The following ANTXR1 variants were observed in gnomAD, a reference collection of about 807,000 sequenced individuals.
The protein encoded by ANTXR1 is anthrax toxin receptor 1.
In ANTXR1, 19 loss-of-function variants were observed where a neutral mutation model predicts 78.1. The observed-to-expected ratio is 0.24, with a 90% CI of 0.17 to 0.36. The LOEUF is 0.36. ANTXR1 is among the 10% of genes least tolerant of loss of function. ANTXR1 has a pLI of 1.00. For synonymous variants in ANTXR1, 273 were observed against 260.5 expected (o/e 1.05, Z -0.46); for missense variants, 518 against 718.6 (o/e 0.72, Z 3.19).
intron 10 of ANTXR1, 46 bp from the exon 11 acceptor site, chr2:69,122,971 A>G: frequency 1.3e-6 from 2 of 1,590,434 alleles, no homozygotes; most frequent in Non-Finnish European, 1.7e-6. Context: ...ATTTGAAATT[A>G]TAAACTCACC....
intron 1 of ANTXR1, among the ~76,000 whole-genome samples, chr2:69,032,013 GAT>G (rs147600013): frequency 0.085 from 12,897 of 152,200 alleles, 569 homozygotes; most frequent in Admixed American, 0.13. Context: ...TGTATGTAAA[GAT>G]ATTGTTAAAA....
chr2:69,220,561 G>T (rs950362959), intron 17 of ANTXR1, among the ~76,000 whole-genome samples: 1 of 152,120 alleles, frequency 6.6e-6, no homozygotes, highest in African/African-American at 2.4e-5. Flanking sequence ...AACATAAAAG[G>T]CCTCTTTATA....
At chr2:69,054,618 T>C (rs1670018622) in intron 3 of ANTXR1, among the ~76,000 whole-genome samples, 1 of 152,192 alleles carries the variant, frequency 6.6e-6, no homozygotes, top group African/African-American at 2.4e-5. Context: ...GTCTCTCTCC[T>C]TCTCAGTCAT....
chr2:69,118,704 C>T (rs987866377), intron 10 of ANTXR1, among the ~76,000 whole-genome samples: 3 of 152,170 alleles, frequency 2.0e-5, no homozygotes, highest in Admixed American at 1.3e-4. Flanking sequence ...CACGCTGCAG[C>T]GAGGCTGGCA....
chr2:69,200,317 C>A (rs895527596), intron 17 of ANTXR1, among the ~76,000 whole-genome samples: 2 of 152,238 alleles, frequency 1.3e-5, no homozygotes, highest in African/African-American at 4.8e-5. Context: ...TGAAACTCAT[C>A]TGAAGCCTCA....
At chr2:69,150,720 ATAT>A (rs1052697884) in intron 12 of ANTXR1, among the ~76,000 whole-genome samples, 8 of 152,102 alleles carry the variant, frequency 5.3e-5, no homozygotes, top group African/African-American at 1.9e-4. Flanking sequence ...TATCATTTAA[ATAT>A]TATTTGACAA....
At chr2:69,091,348 G>T (rs139973449) in intron 9 of ANTXR1, among the ~76,000 whole-genome samples, 4,567 of 146,794 alleles carry the variant, frequency 0.031, 214 homozygotes, top group African/African-American at 0.11. Context: ...GGCTGAGGAA[G>T]GAGAATCTCT....
intron 2 of ANTXR1, among the ~76,000 whole-genome samples, chr2:69,042,248 C>T (rs928130571): frequency 1.4e-4 from 21 of 151,982 alleles, no homozygotes. Context: ...GATTCTTATG[C>T]TTTGCTGTTT....
chr2:69,113,437 A>G (rs1353446124), intron 10 of ANTXR1, among the ~76,000 whole-genome samples: 1 of 152,186 alleles, frequency 6.6e-6, no homozygotes, highest in Non-Finnish European at 1.5e-5. Flanking sequence ...TATTTGTTCA[A>G]CATCCATTGA....
At chr2:69,211,164 A>G (rs76160861) in intron 17 of ANTXR1, among the ~76,000 whole-genome samples, 1,813 of 152,268 alleles carry the variant, frequency 0.012, 36 homozygotes, top group East Asian at 0.096. Context: ...AGATCAAAAC[A>G]GGTTGCCAGT....
chr2:69,026,934 C>T (rs1171149866), intron 1 of ANTXR1, among the ~76,000 whole-genome samples: 2 of 152,182 alleles, frequency 1.3e-5, no homozygotes, highest in African/African-American at 4.8e-5. Context: ...ACATGCAACA[C>T]ATGCGTTAGA....
Position 69,144,586 on chromosome 2 carries a change from C to A in ANTXR1, c.952-7583C>A, listed in dbSNP as rs766398804. On this transcript the variant is annotated intron_variant, in intron 12 of 17. Transcript: ENST00000303714. ...GTGGAGGGGAGAATCCAGAGAAAGA[C>A]CTTTGCCAGCTCTCAAGAAGCTCTA... 3.3e-5 allele frequency among the ~76,000 whole-genome samples: 5 copies of A among 152,204 alleles called. 1 individual carries two copies. In the South Asian group the frequency reaches 1.0e-3, roughly 31 times the overall value.
intron 13 of ANTXR1, among the ~76,000 whole-genome samples, chr2:69,158,566 C>T (rs1673591758): frequency 1.3e-5 from 2 of 152,180 alleles, no homozygotes; most frequent in Admixed American, 6.5e-5. Flanking sequence ...TAGAATTTTT[C>T]GACTTTGTAA....
At chr2:69,213,866 G>A (rs1368507817) in intron 17 of ANTXR1, among the ~76,000 whole-genome samples, 1 of 152,250 alleles carries the variant, frequency 6.6e-6, no homozygotes, top group Non-Finnish European at 1.5e-5. Context: ...ACTTTTACAA[G>A]TCGCAAGTGG....
In ANTXR1 at chr2:69,078,673, G is replaced by A. The variant is rs1461399314; in HGVS notation, c.642+1185G>A. 2.0e-5 allele frequency among the ~76,000 whole-genome samples: 3 copies of A among 152,194 alleles called. No individual in the cohort carries two copies. The East Asian group carries it at 5.8e-4, about 29-fold the overall frequency. ...TTGTTTGGAAACAGGGACTGATGAT[G>A]ACTTACATCATAGGCTTGTTTGAGG... On this transcript the variant is annotated intron_variant, in intron 8 of 17. Coordinates refer to ENST00000303714, the MANE Select transcript of ANTXR1 (RefSeq NM_032208.3).
intron 1 of ANTXR1, among the ~76,000 whole-genome samples, chr2:69,023,566 T>G (rs1282060383): frequency 1.3e-5 from 2 of 151,878 alleles, no homozygotes; most frequent in Non-Finnish European, 2.9e-5. Context: ...GGTGGTGGTG[T>G]TAGTGCAGAA....
intron 12 of ANTXR1, among the ~76,000 whole-genome samples, chr2:69,142,883 A>G (rs543142953): frequency 6.6e-6 from 1 of 152,312 alleles, no homozygotes; most frequent in South Asian, 2.1e-4. Flanking sequence ...AAAGACTCAA[A>G]GCCTTGTACC....
intron 5 of ANTXR1, among the ~76,000 whole-genome samples, chr2:69,072,315 C>T (rs1362667175): frequency 5.9e-5 from 9 of 152,114 alleles, no homozygotes; most frequent in Non-Finnish European, 8.8e-5. Context: ...CAGTGTCTTT[C>T]GTGAGTAGCA....
intron 12 of ANTXR1, among the ~76,000 whole-genome samples, chr2:69,140,570 T>C (rs1416973707): frequency 6.6e-6 from 1 of 152,230 alleles, no homozygotes; most frequent in Non-Finnish European, 1.5e-5. Context: ...GCTCAGAACT[T>C]TCATGAATGC....
Sources: allele counts gnomAD v4.1 joint callset (sites outside exome capture counted in the v4.1 genomes callset), GRCh38; gene constraint gnomAD v4.1.1; transcripts MANE v1.5; gene names NCBI Gene and HGNC (gene_info 2026-07-23, HGNC 2026-07-21).